Variants in ST7 observed in about 807,000 individuals in gnomAD.
ST7 encodes the protein suppressor of tumorigenicity 7 protein.
A neutral mutation model predicts 78.7 loss-of-function variants in ST7; 28 were observed. The ratio of observed to expected loss-of-function variants is 0.36; its 90% CI spans 0.26 to 0.49. The LOEUF (loss-of-function observed/expected upper bound fraction) is 0.49. Among genes scored for constraint, ST7 ranks in the 20% least tolerant of loss-of-function variants. The pLI is 0.99. For missense variants in ST7, 418 were observed against 696.0 expected, an observed-to-expected ratio of 0.60 and a Z score of 4.49; for synonymous variants, 247 against 249.6, an observed-to-expected ratio of 0.99 and a Z score of 0.10.
intron 1 of ST7, among the ~76,000 whole-genome samples, chr7:116,994,884 C>T (rs776518454): frequency 2.6e-5 from 4 of 152,188 alleles, no homozygotes; most frequent in Non-Finnish European, 5.9e-5. Flanking sequence ...CTTTTCTGTT[C>T]GCTCTTTCAT....
intron 9 of ST7, among the ~76,000 whole-genome samples, chr7:117,144,618 G>A (rs1346598692): frequency 2.1e-5 from 3 of 143,480 alleles, no homozygotes; most frequent in Admixed American, 1.4e-4. Flanking sequence ...AGGCAACAGA[G>A]TAAGACCCTG....
chr7:117,205,724 G>A (rs898808295), intron 12 of ST7, among the ~76,000 whole-genome samples: 3 of 152,142 alleles, frequency 2.0e-5, no homozygotes, highest in Admixed American at 1.3e-4. Flanking sequence ...CATATGCCCT[G>A]ACTTTGGATG....
chr7:117,061,612 A>G (rs141935025), intron 1 of ST7, among the ~76,000 whole-genome samples: 179 of 152,334 alleles, frequency 1.2e-3, no homozygotes, highest in Non-Finnish European at 1.9e-3. Flanking sequence ...CCTGAATTTT[A>G]TATCTGTAAA....
At chr7:116,955,750 G>T (rs1252227622) in intron 1 of ST7, among the ~76,000 whole-genome samples, 3 of 152,126 alleles carry the variant, frequency 2.0e-5, no homozygotes, top group Non-Finnish European at 4.4e-5. Flanking sequence ...AATATCTACT[G>T]GGAAAATGTG....
At chr7:117,144,330 C>T (rs1805569709) in intron 9 of ST7, 1 of 151,790 alleles carries the variant, frequency 6.6e-6, no homozygotes, top group African/African-American at 2.4e-5. Context: ...TCTAAGGACT[C>T]CCCGAAAAGA....
At chr7:117,189,484 C>A in intron 11 of ST7, 91 bp downstream of exon 11, 3 of 944,058 alleles carry the variant, frequency 3.2e-6, no homozygotes, top group Non-Finnish European at 4.6e-6. Flanking sequence ...TTCTCTTAGG[C>A]TATGAGACCC....
intron 9 of ST7, chr7:117,145,464 G>A (rs1004418481): frequency 6.6e-6 from 1 of 152,108 alleles, no homozygotes; most frequent in Non-Finnish European, 1.5e-5. Flanking sequence ...AAGCTCTAGG[G>A]AGCAATCCTT....
chr7:117,209,971 G>C (rs1033785931), intron 13 of ST7, 34 bp downstream of exon 13: 1 of 1,601,962 alleles, frequency 6.2e-7, no homozygotes, highest in African/African-American at 1.4e-5. Flanking sequence ...ACATTTTTAA[G>C]AGCATGAAAA....
At chr7:116,998,689 A>G (rs1794792703) in intron 1 of ST7, among the ~76,000 whole-genome samples, 2 of 152,264 alleles carry the variant, frequency 1.3e-5, no homozygotes, top group African/African-American at 2.4e-5. Context: ...CTTCCAGGAC[A>G]TACTGTCCTC....
intron 3 of ST7, chr7:117,128,476 T>G (rs993067037): frequency 2.6e-5 from 4 of 151,930 alleles, no homozygotes; most frequent in African/African-American, 9.7e-5. Context: ...GATCATTTTC[T>G]AAATGGCAAG....
chr7:116,983,644 C>T (rs919124463), intron 1 of ST7, among the ~76,000 whole-genome samples: 5 of 152,128 alleles, frequency 3.3e-5, no homozygotes, highest in Admixed American at 2.6e-4. Context: ...CTAAGCAGGG[C>T]TGCCGCATGC....
chr7:117,195,419 A>G (rs571983243), intron 12 of ST7, among the ~76,000 whole-genome samples: 3 of 152,158 alleles, frequency 2.0e-5, no homozygotes, highest in Non-Finnish European at 4.4e-5. Flanking sequence ...CTCTTAACAA[A>G]TTTTTAGGTG....
At chr7:117,062,870 G>T (rs1159068923) in intron 1 of ST7, among the ~76,000 whole-genome samples, 1 of 152,108 alleles carries the variant, frequency 6.6e-6, no homozygotes, top group Non-Finnish European at 1.5e-5. Context: ...GGTTAATTCT[G>T]CCATTTTAGT....
intron 1 of ST7, among the ~76,000 whole-genome samples, chr7:117,093,679 C>T (rs1439762747): frequency 6.6e-6 from 1 of 151,886 alleles, no homozygotes; most frequent in Admixed American, 6.6e-5. Flanking sequence ...CCAGCCTGGG[C>T]GACGGAGTGA....
chr7:117,079,482 A>ATG (rs1368792363), intron 1 of ST7, among the ~76,000 whole-genome samples: 4 of 152,246 alleles, frequency 2.6e-5, no homozygotes, highest in Non-Finnish European at 2.9e-5. Flanking sequence ...ATATACACAT[A>ATG]TAAATACTTT....
At chr7:117,196,961 G>C (rs1810374816) in intron 12 of ST7, among the ~76,000 whole-genome samples, 1 of 151,926 alleles carries the variant, frequency 6.6e-6, no homozygotes, top group South Asian at 2.1e-4. Flanking sequence ...GTTGATTTTT[G>C]TGTATGGTGT....
intron 1 of ST7, among the ~76,000 whole-genome samples, chr7:117,097,460 G>A (rs1392540610): frequency 2.0e-5 from 3 of 151,588 alleles, no homozygotes; most frequent in African/African-American, 7.3e-5. Flanking sequence ...CAAGTTGCTG[G>A]GATTACAGGC....
At chr7:117,122,958 AG>A (rs1803523663) in intron 3 of ST7, among the ~76,000 whole-genome samples, 1 of 152,188 alleles carries the variant, frequency 6.6e-6, no homozygotes, top group Admixed American at 6.6e-5. Context: ...TCCAAAGCTG[AG>A]GGTTATCAGT....
chr7:117,084,491 A>G (rs1471092130), intron 1 of ST7, among the ~76,000 whole-genome samples: 1 of 152,132 alleles, frequency 6.6e-6, no homozygotes, highest in Non-Finnish European at 1.5e-5. Context: ...CCCTTAGAAC[A>G]ATGGTTAGGA....
Sources: gnomAD v4.1 joint callset for allele counts (sites outside exome capture counted in the v4.1 genomes callset) on GRCh38, gnomAD v4.1.1 for gene constraint, MANE v1.5 for transcripts, NCBI Gene and HGNC (gene_info 2026-07-23, HGNC 2026-07-21) for gene names.